Variants in MGAT5 observed in about 807,000 individuals in gnomAD.
MGAT5 encodes the protein alpha-1,6-mannosylglycoprotein 6-beta-N-acetylglucosaminyltransferase.
Under a neutral mutation model 94.3 loss-of-function variants are expected in MGAT5, and 30 were observed. The ratio of observed to expected loss-of-function variants is 0.32; its 90% CI spans 0.24 to 0.43. The LOEUF (loss-of-function observed/expected upper bound fraction) is 0.43, where lower values mean the gene tolerates loss of function less well. Among genes scored for constraint, MGAT5 ranks in the 20% least tolerant of loss-of-function variants. The pLI is 1.00. For synonymous variants in MGAT5, 310 were observed against 322.9 expected, an observed-to-expected ratio of 0.96 and a Z score of 0.43; for missense variants, 691 against 905.5, an observed-to-expected ratio of 0.76 and a Z score of 3.04.
At chr2:134,258,836 C>T (rs1197876371) in intron 1 of MGAT5, among the ~76,000 whole-genome samples, 1 of 152,208 alleles carries the variant, frequency 6.6e-6, no homozygotes, top group South Asian at 2.1e-4. Context: ...GCCCTAGAAG[C>T]ACAAAACTGC....
chr2:134,273,873 A>C (rs1684184877), intron 2 of MGAT5, among the ~76,000 whole-genome samples: 1 of 152,186 alleles, frequency 6.6e-6, no homozygotes, highest in South Asian at 2.1e-4. Flanking sequence ...AGGAATGAAA[A>C]AGCAGATTTT....
intron 10 of MGAT5, among the ~76,000 whole-genome samples, chr2:134,372,558 A>G (rs1287511951): frequency 1.3e-5 from 2 of 152,214 alleles, no homozygotes; most frequent in Non-Finnish European, 2.9e-5. Flanking sequence ...CACCTTTAGG[A>G]TAAGTCATAC....
chr2:134,291,933 G>C (rs575175841), intron 2 of MGAT5, among the ~76,000 whole-genome samples: 1 of 152,186 alleles, frequency 6.6e-6, no homozygotes, highest in South Asian at 2.1e-4. Context: ...GGTTCATTCT[G>C]GAACTTTCCG....
chr2:134,253,578 C>CTACA (rs1389551778), upstream of MGAT5, among the ~76,000 whole-genome samples: 1 of 152,216 alleles, frequency 6.6e-6, no homozygotes, highest in Non-Finnish European at 1.5e-5. Flanking sequence ...ATTTCTTGTG[C>CTACA]TACAGCATGC....
At chr2:134,195,146 G>C (rs1296101102) in intron 1 of MGAT5, among the ~76,000 whole-genome samples, 1 of 152,126 alleles carries the variant, frequency 6.6e-6, no homozygotes, top group Non-Finnish European at 1.5e-5. Flanking sequence ...AACACCATTT[G>C]GAATATTCCT....
In MGAT5 at chr2:134,150,771, T is replaced by C. The variant is rs998216091; in HGVS notation, c.-143+30480T>C. On this transcript the variant is annotated intron_variant, in intron 1 of 16. Transcript: ENST00000409645. ...AAGGAAACATAATAGAATACAGTTA[T>C]GCTTTTCACAAGATAATAATAGGAG... 3.3e-5 allele frequency among the ~76,000 whole-genome samples: 5 copies of C among 152,362 alleles called. No individual in the cohort carries two copies. The East Asian group carries it at 7.7e-4, about 23-fold the overall frequency.
intron 2 of MGAT5, among the ~76,000 whole-genome samples, chr2:134,281,763 A>C (rs1207619942): frequency 6.6e-6 from 1 of 152,216 alleles, no homozygotes; most frequent in Non-Finnish European, 1.5e-5. Flanking sequence ...CTCTCAAGGG[A>C]AGACAGTCAT....
chr2:134,360,030 C>A (rs1679984146), intron 9 of MGAT5, among the ~76,000 whole-genome samples: 1 of 152,176 alleles, frequency 6.6e-6, no homozygotes, highest in South Asian at 2.1e-4. Context: ...CAGACCAGTG[C>A]TCAGGCCTTG....
intron 10 of MGAT5, among the ~76,000 whole-genome samples, chr2:134,379,538 G>A (rs1468385644): frequency 2.0e-5 from 3 of 152,156 alleles, no homozygotes; most frequent in Non-Finnish European, 2.9e-5. Context: ...GCAGATGGAG[G>A]CAGCCCGCCA....
chr2:134,260,080 C>CAGCATATG (rs58725829), intron 1 of MGAT5, among the ~76,000 whole-genome samples: 33,546 of 151,864 alleles, frequency 0.22, 4,834 homozygotes, highest in East Asian at 0.44. Context: ...GTCCTAAGGC[C>CAGCATATG]TACTCCAGGG....
At chr2:134,206,224 G>A (rs188090632) in intron 1 of MGAT5, among the ~76,000 whole-genome samples, 32 of 152,306 alleles carry the variant, frequency 2.1e-4, no homozygotes, top group African/African-American at 7.0e-4. Context: ...TGTGATCAGC[G>A]AGAGGAAAGA....
chr2:134,413,047 A>G (rs1225599302), intron 12 of MGAT5, 32 bp downstream of exon 12: 1 of 1,606,812 alleles, frequency 6.2e-7, no homozygotes, highest in East Asian at 2.2e-5. Context: ...TCCATTTTGA[A>G]TAATATGAAT....
chr2:134,200,146 C>T (rs1444213299), intron 1 of MGAT5, among the ~76,000 whole-genome samples: 3 of 144,568 alleles, frequency 2.1e-5, no homozygotes, highest in African/African-American at 7.7e-5. Flanking sequence ...ACCCCGCCCC[C>T]CAATCCCCCC....
chr2:134,241,262 A>G (rs1301643477), intron 1 of MGAT5, among the ~76,000 whole-genome samples: 1 of 152,228 alleles, frequency 6.6e-6, no homozygotes, highest in Non-Finnish European at 1.5e-5. Flanking sequence ...TACCCCAAAG[A>G]AGGAGCAGAC....
chr2:134,217,115 T>C (rs1461405525), intron 1 of MGAT5, among the ~76,000 whole-genome samples: 1 of 151,932 alleles, frequency 6.6e-6, no homozygotes, highest in Non-Finnish European at 1.5e-5. Context: ...TAGCATGGTG[T>C]TGGGTAAAAA....
At chr2:134,245,075 C>G (rs984476446) in intron 1 of MGAT5, among the ~76,000 whole-genome samples, 2 of 152,300 alleles carry the variant, frequency 1.3e-5, no homozygotes, top group South Asian at 2.1e-4. Context: ...TGCAGTGGCG[C>G]GATCTCGGCT....
At chr2:134,282,370 T>A (rs2105724825) in intron 2 of MGAT5, among the ~76,000 whole-genome samples, 1 of 152,336 alleles carries the variant, frequency 6.6e-6, no homozygotes, top group South Asian at 2.1e-4. Flanking sequence ...CCAGTGACCA[T>A]ACAGCCATCA....
At chr2:134,255,470 T>C (rs368877357) in intron 1 of MGAT5, among the ~76,000 whole-genome samples, 1 of 146,896 alleles carries the variant, frequency 6.8e-6, no homozygotes, top group Admixed American at 6.8e-5. Context: ...TATATATACA[T>C]ATATATACAT....
intron 1 of MGAT5, among the ~76,000 whole-genome samples, chr2:134,202,665 G>A (rs965770359): frequency 1.3e-5 from 2 of 152,228 alleles, no homozygotes; most frequent in African/African-American, 4.8e-5. Context: ...AATGTCCTTA[G>A]GGACTTGTGA....
Sources: gnomAD v4.1 joint callset for allele counts (sites outside exome capture counted in the v4.1 genomes callset) on GRCh38, gnomAD v4.1.1 for gene constraint, MANE v1.5 for transcripts, NCBI Gene and HGNC (gene_info 2026-07-23, HGNC 2026-07-21) for gene names.